Variants in FBXW7 observed in about 807,000 individuals in gnomAD.
FBXW7 encodes F-box/WD repeat-containing protein 7.
A neutral mutation model predicts 86.3 loss-of-function variants in FBXW7; 11 were observed. The ratio of observed to expected loss-of-function variants is 0.13; its 90% CI spans 0.08 to 0.21. The LOEUF (loss-of-function observed/expected upper bound fraction) is 0.21, where lower values mean the gene tolerates loss of function less well. Ranked by LOEUF, FBXW7 falls within the 10% of genes least tolerant of loss-of-function variation. The pLI, the probability that FBXW7 is intolerant of heterozygous loss-of-function variation, is 1.00. For synonymous variants in FBXW7, 313 were observed against 297.9 expected, an observed-to-expected ratio of 1.05 and a Z score of -0.52; for missense variants, 488 against 847.4, an observed-to-expected ratio of 0.58 and a Z score of 5.27.
intron 2 of FBXW7, among the ~76,000 whole-genome samples, chr4:152,510,205 A>C (rs1273728061): frequency 2.0e-5 from 3 of 152,212 alleles, no homozygotes; most frequent in Non-Finnish European, 4.4e-5. Context: ...TAGAATAATA[A>C]ATGACTCTAA....
intron 2 of FBXW7, among the ~76,000 whole-genome samples, chr4:152,508,770 C>CT (rs569472685): frequency 8.1e-5 from 12 of 147,878 alleles, no homozygotes; most frequent in Non-Finnish European, 1.3e-4. Context: ...CCATAGGATA[C>CT]TTTTTTTTTT....
At chr4:152,354,357 T>C (rs1187100402) in intron 4 of FBXW7, among the ~76,000 whole-genome samples, 2 of 151,972 alleles carry the variant, frequency 1.3e-5, no homozygotes, top group Non-Finnish European at 2.9e-5. Context: ...AAAAATCTAA[T>C]TGTTAGGAAT....
chr4:152,492,223 G>A (rs1745927329), intron 2 of FBXW7, among the ~76,000 whole-genome samples: 1 of 152,116 alleles, frequency 6.6e-6, no homozygotes, highest in African/African-American at 2.4e-5. Context: ...CCATTCTGTA[G>A]TTCTTTTATT....
intron 2 of FBXW7, among the ~76,000 whole-genome samples, chr4:152,419,168 C>T (rs1054867684): frequency 4.0e-5 from 6 of 151,852 alleles, no homozygotes; most frequent in Admixed American, 2.6e-4. Context: ...ATTTTCATTT[C>T]GTAAACATCA....
chr4:152,338,728 T>G (rs1393667539), intron 6 of FBXW7, among the ~76,000 whole-genome samples: 1 of 152,100 alleles, frequency 6.6e-6, no homozygotes, highest in African/African-American at 2.4e-5. Context: ...AAAACTAAAA[T>G]GCCATGTGAA....
At chr4:152,377,754 C>CA (rs546746093) in intron 4 of FBXW7, among the ~76,000 whole-genome samples, 3,225 of 68,436 alleles carry the variant, frequency 0.047, 112 homozygotes, top group African/African-American at 0.13. Context: ...GAGTCTGTCT[C>CA]AAAAAAAAAA....
chr4:152,334,652 T>A (rs1244285785), intron 7 of FBXW7, among the ~76,000 whole-genome samples: 1 of 152,114 alleles, frequency 6.6e-6, no homozygotes, highest in South Asian at 2.1e-4. Flanking sequence ...CAAAAGTACA[T>A]CCCCAAATCA....
chr4:152,449,161 C>A (rs1033174466), intron 2 of FBXW7, among the ~76,000 whole-genome samples: 1 of 152,184 alleles, frequency 6.6e-6, no homozygotes. Context: ...GAACTGCTGA[C>A]CTTTTATGAC....
chr4:152,353,695 A>C (rs1246040059), intron 4 of FBXW7, among the ~76,000 whole-genome samples: 1 of 152,208 alleles, frequency 6.6e-6, no homozygotes, highest in Non-Finnish European at 1.5e-5. Context: ...CTTATCATTA[A>C]AAAGGCATTT....
At chr4:152,475,328 G>A (rs1030873747) in intron 2 of FBXW7, among the ~76,000 whole-genome samples, 8 of 151,918 alleles carry the variant, frequency 5.3e-5, no homozygotes, top group African/African-American at 1.2e-4. Flanking sequence ...TCAGGAAGGC[G>A]GGGCAGGAAG....
intron 4 of FBXW7, among the ~76,000 whole-genome samples, chr4:152,376,866 C>T (rs868619201): frequency 2.6e-5 from 4 of 151,632 alleles, no homozygotes; most frequent in Middle Eastern, 6.8e-3. Flanking sequence ...AACATGCATA[C>T]GGTCTGAATA....
chr4:152,427,712 CA>C (rs1360950164), intron 2 of FBXW7, among the ~76,000 whole-genome samples: 1 of 152,138 alleles, frequency 6.6e-6, no homozygotes, highest in Non-Finnish European at 1.5e-5. Flanking sequence ...GAAGGACTCC[CA>C]AAAGTGTTTT....
At chr4:152,477,263 C>A (rs1744501420) in intron 2 of FBXW7, among the ~76,000 whole-genome samples, 1 of 151,996 alleles carries the variant, frequency 6.6e-6, no homozygotes, top group Non-Finnish European at 1.5e-5. Context: ...AGGGGTAGGT[C>A]AATATTAGAA....
chr4:152,504,695 C>G (rs1747254520), intron 2 of FBXW7, among the ~76,000 whole-genome samples: 1 of 152,064 alleles, frequency 6.6e-6, no homozygotes, highest in African/African-American at 2.4e-5. Context: ...CTTTTCCAAC[C>G]ATAAACTTTA....
At chr4:152,482,167 C>A (rs891340204) in intron 2 of FBXW7, among the ~76,000 whole-genome samples, 1 of 152,174 alleles carries the variant, frequency 6.6e-6, no homozygotes, top group Non-Finnish European at 1.5e-5. Context: ...TCATCAACAT[C>A]GAGTCAAGAC....
chr4:152,520,607 G>A (rs748201530), intron 2 of FBXW7, among the ~76,000 whole-genome samples: 1 of 152,048 alleles, frequency 6.6e-6, no homozygotes, highest in Non-Finnish European at 1.5e-5. Flanking sequence ...GTGCAAAGGG[G>A]ACCAGTCCTT....
intron 2 of FBXW7, among the ~76,000 whole-genome samples, chr4:152,509,293 G>C (rs2149711829): frequency 6.6e-6 from 1 of 152,136 alleles, no homozygotes; most frequent in East Asian, 1.9e-4. Context: ...TGCATAAGAT[G>C]TTAAATTTTG....
chr4:152,486,249 G>A (rs550976628), intron 2 of FBXW7, among the ~76,000 whole-genome samples: 2 of 152,006 alleles, frequency 1.3e-5, no homozygotes, highest in East Asian at 1.9e-4. Context: ...TACTGCACAC[G>A]GCTGTAGGCT....
At chr4:152,517,750 A>C (rs1378143332) in intron 2 of FBXW7, among the ~76,000 whole-genome samples, 1 of 152,204 alleles carries the variant, frequency 6.6e-6, no homozygotes, top group African/African-American at 2.4e-5. Context: ...ATAAACACTC[A>C]AATACCGATA....
Sources: gnomAD v4.1 joint callset for allele counts (sites outside exome capture counted in the v4.1 genomes callset) on GRCh38, gnomAD v4.1.1 for gene constraint, MANE v1.5 for transcripts, NCBI Gene and HGNC (gene_info 2026-07-23, HGNC 2026-07-21) for gene names.